CDC42SE2: variants seen among roughly 807,000 people sequenced by gnomAD.
CDC42SE2 encodes the protein CDC42 small effector 2.
A neutral mutation model predicts 11.5 loss-of-function variants in CDC42SE2; 3 were observed. The observed-to-expected ratio is 0.26, with a 90% CI of 0.12 to 0.67. The LOEUF is 0.67. Ranked by LOEUF, CDC42SE2 falls within the 30% of genes least tolerant of loss-of-function variation. The pLI, the probability that CDC42SE2 is intolerant of heterozygous loss-of-function variation, is 0.80. For missense variants in CDC42SE2, 82 were observed against 106.8 expected (o/e 0.77, Z 1.02); for synonymous variants, 33 against 34.8 (o/e 0.95, Z 0.18).
chr5:131,362,922 G>A (rs1024755727), intron 3 of CDC42SE2, among the ~76,000 whole-genome samples: 4 of 152,036 alleles, frequency 2.6e-5, no homozygotes, highest in Non-Finnish European at 4.4e-5. Flanking sequence ...CAAGGCAGGG[G>A]GATTGCCTGA....
chr5:131,294,635 G>A (rs979411353), intron 1 of CDC42SE2, among the ~76,000 whole-genome samples: 8 of 152,170 alleles, frequency 5.3e-5, no homozygotes, highest in Admixed American at 1.3e-4. Flanking sequence ...ACTAGGGTAG[G>A]GAACAGGAGA....
chr5:131,294,438 G>A (rs1040938702), intron 1 of CDC42SE2, among the ~76,000 whole-genome samples: 7 of 152,118 alleles, frequency 4.6e-5, no homozygotes, highest in Non-Finnish European at 1.0e-4. Context: ...CTGCGCACTA[G>A]CTATTTGCCA....
intron 2 of CDC42SE2, among the ~76,000 whole-genome samples, chr5:131,350,072 A>C (rs1270121107): frequency 1.3e-5 from 2 of 152,100 alleles, no homozygotes; most frequent in African/African-American, 4.8e-5. Context: ...TTTAAAGTAG[A>C]TATATTTAAA....
intron 2 of CDC42SE2, among the ~76,000 whole-genome samples, chr5:131,255,813 A>G (rs1331952440): frequency 6.6e-6 from 1 of 152,178 alleles, no homozygotes; most frequent in African/African-American, 2.4e-5. Flanking sequence ...ATAATAATGG[A>G]GGCAACTTAT....
intron 1 of CDC42SE2, among the ~76,000 whole-genome samples, chr5:131,279,147 C>T (rs1464647141): frequency 6.6e-6 from 1 of 152,088 alleles, no homozygotes; most frequent in Non-Finnish European, 1.5e-5. Flanking sequence ...AAAGAAATTT[C>T]TTTATGGTGG....
At chr5:131,323,936 A>G (rs1758246554) in intron 2 of CDC42SE2, among the ~76,000 whole-genome samples, 1 of 152,200 alleles carries the variant, frequency 6.6e-6, no homozygotes, top group African/African-American at 2.4e-5. Context: ...GATTCTAGTA[A>G]AAAATGGAAA....
At chr5:131,348,879 A>G in intron 2 of CDC42SE2, among the ~76,000 whole-genome samples, 1 of 152,230 alleles carries the variant, frequency 6.6e-6, no homozygotes, top group Admixed American at 6.5e-5. Flanking sequence ...GACAAAAACA[A>G]GAAATGGGGA....
At chr5:131,333,891 C>G (rs1425072428) in intron 2 of CDC42SE2, among the ~76,000 whole-genome samples, 1 of 152,182 alleles carries the variant, frequency 6.6e-6, no homozygotes, top group African/African-American at 2.4e-5. Flanking sequence ...TCTAGATATA[C>G]AATCATGTCA....
intron 1 of CDC42SE2, among the ~76,000 whole-genome samples, chr5:131,283,441 T>C (rs1161530558): frequency 1.3e-5 from 2 of 152,224 alleles, no homozygotes; most frequent in Non-Finnish European, 2.9e-5. Context: ...CTGGCTTTTT[T>C]CATTTAGCAT....
upstream of CDC42SE2, among the ~76,000 whole-genome samples, chr5:131,260,624 CA>C (rs34035270): frequency 0.56 from 53,936 of 96,422 alleles, 13,638 homozygotes; most frequent in African/African-American, 0.79. Context: ...GACGCTCTCT[CA>C]AAAAAAAAAA....
chr5:131,266,813 T>C (rs889675998), intron 1 of CDC42SE2, among the ~76,000 whole-genome samples: 8 of 152,136 alleles, frequency 5.3e-5, no homozygotes, highest in African/African-American at 1.9e-4. Context: ...ACTTTTTCTT[T>C]AAATGTGTAT....
the CDC42SE2 span, among the ~76,000 whole-genome samples, chr5:131,226,992 G>T: frequency 6.6e-6 from 1 of 152,160 alleles, no homozygotes; most frequent in Non-Finnish European, 1.5e-5. Flanking sequence ...TATGATTCTA[G>T]CTACATATAG....
chr5:131,382,784 T>TG (rs990130160), intron 3 of CDC42SE2, among the ~76,000 whole-genome samples: 1 of 152,186 alleles, frequency 6.6e-6, no homozygotes, highest in African/African-American at 2.4e-5. Flanking sequence ...AGTGGCTCAC[T>TG]GGGGAAGAAA....
At chr5:131,328,213 A>G (rs998666632) in intron 2 of CDC42SE2, among the ~76,000 whole-genome samples, 33 of 152,192 alleles carry the variant, frequency 2.2e-4, no homozygotes, top group African/African-American at 7.5e-4. Context: ...TGCAAGGATT[A>G]TGGATAAAGG....
chr5:131,376,863 TACC>T (rs1423354359), intron 3 of CDC42SE2, among the ~76,000 whole-genome samples: 1 of 152,230 alleles, frequency 6.6e-6, no homozygotes, highest in Non-Finnish European at 1.5e-5. Flanking sequence ...GGTGTATATG[TACC>T]ACGTTTTCTT....
At position 131,350,435 on chromosome 5, in the gene CDC42SE2, T is replaced by G. The variant is rs570471723; in HGVS notation, c.-285-8774T>G. On this transcript the variant is annotated intron_variant, in intron 2 of 4. Transcript: ENST00000505065. ...CAAAATTGAATTACAGAAGTAAAAC[T>G]TAACAGAACTATAATGGGATGATTG... Among the ~76,000 whole-genome samples, 6 of 152,158 alleles carry G rather than the reference T, an allele frequency of 3.9e-5. No homozygotes were observed. The South Asian group carries it at 1.0e-3, about 26-fold the overall frequency.
intron 2 of CDC42SE2, among the ~76,000 whole-genome samples, chr5:131,336,213 C>T (rs373298370): frequency 1.3e-5 from 2 of 148,916 alleles, no homozygotes; most frequent in African/African-American, 5.0e-5. Context: ...GATTTTATTT[C>T]TCCTTCACTT....
intron 1 of CDC42SE2, among the ~76,000 whole-genome samples, chr5:131,277,859 T>C (rs1203032233): frequency 1.3e-5 from 2 of 152,178 alleles, no homozygotes; most frequent in Non-Finnish European, 2.9e-5. Context: ...TTTTTTAAAA[T>C]TAATTTTTAT....
At chr5:131,342,567 T>C (rs984386752) in intron 2 of CDC42SE2, among the ~76,000 whole-genome samples, 48 of 151,452 alleles carry the variant, frequency 3.2e-4, no homozygotes, top group Non-Finnish European at 5.0e-4. Flanking sequence ...TTTTTGTATT[T>C]TTAGTAGAGA....
Sources: allele counts gnomAD v4.1 joint callset (sites outside exome capture counted in the v4.1 genomes callset), GRCh38; gene constraint gnomAD v4.1.1; transcripts MANE v1.5; gene names NCBI Gene and HGNC (gene_info 2026-07-23, HGNC 2026-07-21).